The following MARCHF1 variants were observed in gnomAD, a reference collection of about 807,000 sequenced individuals.
MARCHF1 encodes membrane associated ring-CH-type finger 1.
MARCHF1 carries 40 observed loss-of-function variants against 54.2 expected under a neutral mutation model. That is an observed-to-expected ratio of 0.74 (90% confidence interval 0.57 to 0.96). MARCHF1 has a LOEUF of 0.96. MARCHF1 is among the 40% of genes least tolerant of loss of function. MARCHF1 has a pLI of 0.00. For missense variants in MARCHF1, 586 were observed against 656.5 expected (o/e 0.89, Z 1.17); for synonymous variants, 236 against 236.3 (o/e 1.00, Z 0.01).
At chr4:163,761,724 A>G (rs535742403) in intron 4 of MARCHF1, among the ~76,000 whole-genome samples, 38 of 152,166 alleles carry the variant, frequency 2.5e-4, no homozygotes, top group Admixed American at 5.2e-4. Flanking sequence ...AAGTTGACAC[A>G]CTACAAAGCC....
At chr4:163,791,980 C>T (rs978914441) in intron 4 of MARCHF1, among the ~76,000 whole-genome samples, 2 of 152,090 alleles carry the variant, frequency 1.3e-5, no homozygotes, top group Non-Finnish European at 2.9e-5. Flanking sequence ...TTTCTGAGAC[C>T]GTTTCTTGCT....
chr4:164,265,927 G>A (rs1012187432), intron 1 of MARCHF1, among the ~76,000 whole-genome samples: 6 of 152,080 alleles, frequency 3.9e-5, no homozygotes, highest in Admixed American at 6.6e-5. Context: ...ACATAGTATC[G>A]AATCAAATTT....
At chr4:164,147,339 C>T (rs1271814467) in intron 1 of MARCHF1, among the ~76,000 whole-genome samples, 8 of 148,586 alleles carry the variant, frequency 5.4e-5, no homozygotes, top group African/African-American at 2.0e-4. Flanking sequence ...ACCCAAAGGA[C>T]TATAAATCAT....
intron 1 of MARCHF1, among the ~76,000 whole-genome samples, chr4:164,117,152 G>A (rs1382079884): frequency 6.6e-6 from 1 of 151,996 alleles, no homozygotes; most frequent in Non-Finnish European, 1.5e-5. Flanking sequence ...CAGCTACTTG[G>A]GAGGCTGAGA....
At chr4:164,021,079 C>CTTTTTTTTTTTT (rs58872172) in intron 2 of MARCHF1, among the ~76,000 whole-genome samples, 1 of 141,688 alleles carries the variant, frequency 7.1e-6, no homozygotes. Flanking sequence ...ATTTCTGTCC[C>CTTTTTTTTTTTT]TTTTTTTTTT....
At chr4:163,878,212 C>A (rs1305443412) in intron 3 of MARCHF1, among the ~76,000 whole-genome samples, 1 of 152,158 alleles carries the variant, frequency 6.6e-6, no homozygotes, top group African/African-American at 2.4e-5. Flanking sequence ...ATAACACTAG[C>A]TTTTTTAGTC....
At chr4:164,056,150 G>A (rs78857998) in intron 2 of MARCHF1, among the ~76,000 whole-genome samples, 11,720 of 152,120 alleles carry the variant, frequency 0.077, 517 homozygotes, top group Middle Eastern at 0.16. Flanking sequence ...GTGCAATGAT[G>A]CGCTGGCTCT....
At chr4:163,659,282 C>G (rs925455861) in intron 5 of MARCHF1, among the ~76,000 whole-genome samples, 2 of 151,780 alleles carry the variant, frequency 1.3e-5, no homozygotes, top group Non-Finnish European at 2.9e-5. Context: ...TGACAAACCT[C>G]ACAAAAACAA....
At chr4:164,199,536 G>A (rs1223320117) in intron 1 of MARCHF1, among the ~76,000 whole-genome samples, 6 of 151,822 alleles carry the variant, frequency 4.0e-5, no homozygotes, top group South Asian at 4.2e-4. Flanking sequence ...CCAGCTACTC[G>A]GGAGGCTGAG....
intron 1 of MARCHF1, among the ~76,000 whole-genome samples, chr4:164,356,780 C>CAAAAAAAAAAAAAAAAGCAA (rs58855405): frequency 2.9e-5 from 3 of 103,260 alleles, no homozygotes; most frequent in African/African-American, 1.1e-4. Context: ...AAAAGAAAAG[C>CAAAAAAAAAAAAAAAAGCAA]AAAAAAAAAA....
At chr4:164,010,085 T>A (rs1004152910) in intron 2 of MARCHF1, among the ~76,000 whole-genome samples, 1 of 80,332 alleles carries the variant, frequency 1.2e-5, no homozygotes, top group African/African-American at 4.0e-5. Context: ...TTTTTTTTTT[T>A]AGGCGGAGTC....
intron 1 of MARCHF1, among the ~76,000 whole-genome samples, chr4:164,128,924 C>G (rs192812889): frequency 2.0e-5 from 3 of 152,268 alleles, no homozygotes; most frequent in East Asian, 3.9e-4. Context: ...GGTAGGCTCC[C>G]TCTTTACTCT....
chr4:164,222,638 G>C (rs961207567), intron 1 of MARCHF1, among the ~76,000 whole-genome samples: 1 of 151,730 alleles, frequency 6.6e-6, no homozygotes, highest in Non-Finnish European at 1.5e-5. Context: ...TGGAGAGAGG[G>C]AACCAGGAAG....
At chr4:163,641,321 CAGA>C (rs968857007) in intron 5 of MARCHF1, among the ~76,000 whole-genome samples, 99 of 152,082 alleles carry the variant, frequency 6.5e-4, no homozygotes, top group African/African-American at 2.3e-3. Flanking sequence ...GAGGGAAAAA[CAGA>C]AGAACTAAAG....
At chr4:163,704,353 G>GTGGT (rs1167608863) in intron 4 of MARCHF1, among the ~76,000 whole-genome samples, 1 of 151,670 alleles carries the variant, frequency 6.6e-6, no homozygotes, top group East Asian at 1.9e-4. Flanking sequence ...CTTAAACAAT[G>GTGGT]TGGTTTGTAA....
chr4:164,267,967 G>C (rs1202400576), intron 1 of MARCHF1, among the ~76,000 whole-genome samples: 1 of 151,724 alleles, frequency 6.6e-6, no homozygotes, highest in East Asian at 1.9e-4. Flanking sequence ...GTCTCAGGTT[G>C]ATAGCAGTCC....
chr4:164,026,438 A>T (rs527632111), intron 2 of MARCHF1, among the ~76,000 whole-genome samples: 1 of 152,192 alleles, frequency 6.6e-6, no homozygotes, highest in African/African-American at 2.4e-5. Context: ...GCAAATACAA[A>T]TAAATAAATG....
At chr4:163,662,335 C>A (rs1267617616) in intron 5 of MARCHF1, among the ~76,000 whole-genome samples, 1 of 151,778 alleles carries the variant, frequency 6.6e-6, no homozygotes. Context: ...GTTCTCTCAT[C>A]CTGGAACTCT....
At chr4:163,886,991 C>G (rs1750552527) in intron 3 of MARCHF1, among the ~76,000 whole-genome samples, 1 of 152,154 alleles carries the variant, frequency 6.6e-6, no homozygotes, top group African/African-American at 2.4e-5. Context: ...AGAAACCTCT[C>G]TTGAGCTCTG....
Sources: gnomAD v4.1 joint callset for allele counts (sites outside exome capture counted in the v4.1 genomes callset) on GRCh38, gnomAD v4.1.1 for gene constraint, MANE v1.5 for transcripts, NCBI Gene and HGNC (gene_info 2026-07-23, HGNC 2026-07-21) for gene names.